The following PRICKLE2 variants were observed in gnomAD, a reference collection of about 807,000 sequenced individuals.
PRICKLE2 encodes the protein prickle planar cell polarity protein 2.
In PRICKLE2, 21 loss-of-function variants were observed where a neutral mutation model predicts 81.4. That is an observed-to-expected ratio of 0.26 (90% CI 0.18 to 0.37). The LOEUF is 0.37. PRICKLE2 is among the 10% of genes least tolerant of loss of function. The pLI, the probability that PRICKLE2 is intolerant of heterozygous loss-of-function variation, is 1.00. For synonymous variants in PRICKLE2, 456 were observed against 421.5 expected (o/e 1.08, Z -1.00); for missense variants, 940 against 1,109.0 (o/e 0.85, Z 2.16).
chr3:64,262,911 C>A lies in PRICKLE2; in HGVS notation c.129-63944G>T, dbSNP rs112766687. ...GTCCCATTGCTAATAAGTGGTGGAG[C>A]CACCGTTTTGAAGTTTAACAGCTTC... is the stretch of plus-strand genomic sequence containing the variant. On this transcript the variant is annotated intron_variant, in intron 2 of 8. Coordinates refer to the PRICKLE2 transcript ENST00000295902. Among the ~76,000 whole-genome samples the A allele has an allele frequency of 5.6e-3, 851 of 152,220 alleles. 8 individuals carry two copies. The highest frequency in any genetic ancestry group is 0.019 in the African/African-American group (801 of 41,532).
intron 1 of PRICKLE2, among the ~76,000 whole-genome samples, chr3:64,205,830 G>T (rs866688679): frequency 1.0e-3 from 153 of 152,260 alleles, no homozygotes; most frequent in African/African-American, 3.3e-3. Flanking sequence ...TTGATGTGGA[G>T]AAGAAGACTA....
intron 2 of PRICKLE2, among the ~76,000 whole-genome samples, chr3:64,235,789 G>A (rs540586404): frequency 1.8e-4 from 28 of 152,286 alleles, no homozygotes; most frequent in South Asian, 4.1e-4. Context: ...CTTTGCAAGG[G>A]TAGGGTGTTG....
At chr3:64,129,536 A>G (rs72880539) in intron 7 of PRICKLE2, among the ~76,000 whole-genome samples, 2,851 of 151,894 alleles carry the variant, frequency 0.019, 103 homozygotes, top group African/African-American at 0.064. Flanking sequence ...TCTCATGTTT[A>G]GTTAAAAAAA....
chr3:64,156,024 T>C (rs141399674), intron 5 of PRICKLE2, among the ~76,000 whole-genome samples: 135 of 152,384 alleles, frequency 8.9e-4, no homozygotes, highest in Non-Finnish European at 1.7e-3. Flanking sequence ...ATGCAAATTA[T>C]ATCTCAATAA....
chr3:64,265,438 C>T (rs2079687037), intron 2 of PRICKLE2, among the ~76,000 whole-genome samples: 1 of 152,182 alleles, frequency 6.6e-6, no homozygotes, highest in Non-Finnish European at 1.5e-5. Context: ...ACCTAGCGCT[C>T]TCCTACTTTA....
intron 1 of PRICKLE2, among the ~76,000 whole-genome samples, chr3:64,220,650 G>C (rs1209588281): frequency 6.6e-6 from 1 of 152,136 alleles, no homozygotes; most frequent in African/African-American, 2.4e-5. Context: ...GGTTCACTCT[G>C]CTGTTCTGAG....
chr3:64,167,279 T>G (rs1468289606), intron 2 of PRICKLE2, among the ~76,000 whole-genome samples: 1 of 152,196 alleles, frequency 6.6e-6, no homozygotes, highest in African/African-American at 2.4e-5. Context: ...GATAACTGTA[T>G]TTTTCATTCT....
intron 2 of PRICKLE2, among the ~76,000 whole-genome samples, chr3:64,193,345 G>A (rs1316931422): frequency 3.3e-5 from 5 of 152,088 alleles, no homozygotes; most frequent in African/African-American, 7.2e-5. Flanking sequence ...ATAGGCTAGT[G>A]GAGTCCCCTA....
intron 2 of PRICKLE2, among the ~76,000 whole-genome samples, chr3:64,197,744 T>G (rs1248965588): frequency 6.6e-6 from 1 of 151,940 alleles, no homozygotes; most frequent in Non-Finnish European, 1.5e-5. Flanking sequence ...AAATAACTAA[T>G]GGGTACTAGG....
chr3:64,232,891 A>C (rs576647591), intron 2 of PRICKLE2, among the ~76,000 whole-genome samples: 18 of 152,284 alleles, frequency 1.2e-4, no homozygotes, highest in African/African-American at 3.8e-4. Flanking sequence ...CCTGACATCT[A>C]ATCCAGAGGA....
intron 2 of PRICKLE2, among the ~76,000 whole-genome samples, chr3:64,165,966 GTGTGTGTGTGT>G (rs2077822981): frequency 4.1e-5 from 5 of 121,316 alleles, no homozygotes; most frequent in African/African-American, 1.4e-4. Flanking sequence ...TTATAAAGGT[GTGTGTGTGTGT>G]GTGTGTGTGT....
At chr3:64,163,263 G>A in intron 2 of PRICKLE2, 134 bp from the exon 3 acceptor site, 2 of 730,852 alleles carry the variant, frequency 2.7e-6, no homozygotes. Context: ...AAAGTCAACA[G>A]CAGATGAGTT....
At chr3:64,130,533 ATTT>A (rs2077181038) in intron 7 of PRICKLE2, among the ~76,000 whole-genome samples, 1 of 152,174 alleles carries the variant, frequency 6.6e-6, no homozygotes, top group African/African-American at 2.4e-5. Context: ...AGAAGAGAGC[ATTT>A]TGTGTGCTCA....
chr3:64,169,741 G>C (rs1196408056), intron 2 of PRICKLE2, among the ~76,000 whole-genome samples: 1 of 152,152 alleles, frequency 6.6e-6, no homozygotes, highest in South Asian at 2.1e-4. Flanking sequence ...GGACTAATTC[G>C]AACACTGATC....
At chr3:64,211,597 T>G (rs753060759) in intron 1 of PRICKLE2, among the ~76,000 whole-genome samples, 1 of 152,214 alleles carries the variant, frequency 6.6e-6, no homozygotes, top group South Asian at 2.1e-4. Flanking sequence ...AGCACAAATG[T>G]GGCAAAATAT....
At chr3:64,136,262 C>T (rs1413827277) in intron 7 of PRICKLE2, among the ~76,000 whole-genome samples, 2 of 151,704 alleles carry the variant, frequency 1.3e-5, no homozygotes, top group African/African-American at 2.4e-5. Flanking sequence ...TAACTACAGG[C>T]GAGCTCATGA....
intron 7 of PRICKLE2, among the ~76,000 whole-genome samples, chr3:64,113,223 C>G (rs1227616982): frequency 6.6e-6 from 1 of 152,184 alleles, no homozygotes; most frequent in Non-Finnish European, 1.5e-5. Flanking sequence ...GGGGTGTCTG[C>G]AGTGCAGCAC....
chr3:64,233,275 T>C (rs2079132725), intron 2 of PRICKLE2, among the ~76,000 whole-genome samples: 1 of 152,198 alleles, frequency 6.6e-6, no homozygotes, highest in Non-Finnish European at 1.5e-5. Flanking sequence ...ATTGCTCCCC[T>C]TCAGTCTATT....
chr3:64,245,128 A>C (rs974783627), intron 2 of PRICKLE2, among the ~76,000 whole-genome samples: 1 of 152,226 alleles, frequency 6.6e-6, no homozygotes. Flanking sequence ...ATGTGTGTTC[A>C]CTGGATAATG....
Sources: gnomAD v4.1 joint callset for allele counts (sites outside exome capture counted in the v4.1 genomes callset) on GRCh38, gnomAD v4.1.1 for gene constraint, MANE v1.5 for transcripts, NCBI Gene and HGNC (gene_info 2026-07-23, HGNC 2026-07-21) for gene names.